The following PTPRR variants were observed in gnomAD, a reference collection of about 807,000 sequenced individuals.
PTPRR encodes the protein receptor-type tyrosine-protein phosphatase R.
In PTPRR, 38 loss-of-function variants were observed where a neutral mutation model predicts 77.2. That is an observed-to-expected ratio of 0.49 (90% CI 0.38 to 0.65). PTPRR has a LOEUF of 0.65. Ranked by LOEUF, PTPRR falls within the 30% of genes least tolerant of loss-of-function variation. The pLI, the probability that PTPRR is intolerant of heterozygous loss-of-function variation, is 0.00. For missense variants in PTPRR, 744 were observed against 799.2 expected, an observed-to-expected ratio of 0.93 and a Z score of 0.83; for synonymous variants, 299 against 283.1, an observed-to-expected ratio of 1.06 and a Z score of -0.57.
intron 6 of PTPRR, among the ~76,000 whole-genome samples, chr12:70,707,242 G>A (rs1296802843): frequency 6.6e-6 from 1 of 151,992 alleles, no homozygotes; most frequent in East Asian, 1.9e-4. Context: ...TAAAAATAGA[G>A]ATTTTACAAA....
intron 6 of PTPRR, among the ~76,000 whole-genome samples, chr12:70,730,909 A>G (rs1206614176): frequency 6.7e-6 from 1 of 148,652 alleles, no homozygotes; most frequent in African/African-American, 2.5e-5. Flanking sequence ...AGAGAGAGAG[A>G]CAGAGAATGA....
chr12:70,833,712 A>G (rs893233305), intron 2 of PTPRR, among the ~76,000 whole-genome samples: 1 of 152,158 alleles, frequency 6.6e-6, no homozygotes, highest in Non-Finnish European at 1.5e-5. Flanking sequence ...GAAGCTGACA[A>G]GCGGGAAGCT....
intron 2 of PTPRR, among the ~76,000 whole-genome samples, chr12:70,821,766 G>A (rs549164352): frequency 6.6e-5 from 10 of 152,110 alleles, no homozygotes; most frequent in South Asian, 6.2e-4. Context: ...CTGGGTTCAC[G>A]CCATTCTCCT....
At chr12:70,898,375 AT>A (rs34040337) in intron 1 of PTPRR, among the ~76,000 whole-genome samples, 22,151 of 150,396 alleles carry the variant, frequency 0.15, 1,782 homozygotes, top group Non-Finnish European at 0.18. Context: ...AAGACACCTC[AT>A]TTTATTTTAG....
chr12:70,651,252 C>T (rs1307214035), intron 13 of PTPRR, among the ~76,000 whole-genome samples: 2 of 152,252 alleles, frequency 1.3e-5, no homozygotes, highest in African/African-American at 4.8e-5. Flanking sequence ...GAGTTACACT[C>T]TCTCCAGCTA....
intron 2 of PTPRR, among the ~76,000 whole-genome samples, chr12:70,853,881 G>T (rs1406787144): frequency 6.6e-6 from 1 of 152,200 alleles, no homozygotes; most frequent in African/African-American, 2.4e-5. Context: ...GTGGCGAGTT[G>T]TTTCTACCTT....
At chr12:70,895,121 G>A (rs185228277) in intron 1 of PTPRR, among the ~76,000 whole-genome samples, 2 of 151,674 alleles carry the variant, frequency 1.3e-5, no homozygotes, top group Non-Finnish European at 3.0e-5. Flanking sequence ...TGCTGAAGAT[G>A]TAAGACGTAT....
chr12:70,741,082 T>C (rs186056209), intron 6 of PTPRR, among the ~76,000 whole-genome samples: 92 of 152,204 alleles, frequency 6.0e-4, no homozygotes, highest in African/African-American at 2.0e-3. Context: ...ATAAGCAAAG[T>C]GTTTCCCAGT....
chr12:70,884,992 T>A (rs1233849350), intron 2 of PTPRR, among the ~76,000 whole-genome samples: 2 of 151,964 alleles, frequency 1.3e-5, no homozygotes, highest in Non-Finnish European at 2.9e-5. Flanking sequence ...AATCAGAACA[T>A]TCTCTTTTTT....
intron 1 of PTPRR, among the ~76,000 whole-genome samples, chr12:70,912,296 C>G (rs935648948): frequency 6.6e-6 from 1 of 152,212 alleles, no homozygotes; most frequent in South Asian, 2.1e-4. Context: ...ATCATTAGTA[C>G]AGTGAAATAG....
At chr12:70,899,310 A>G (rs1212576091) in intron 1 of PTPRR, among the ~76,000 whole-genome samples, 5 of 151,476 alleles carry the variant, frequency 3.3e-5, no homozygotes, top group East Asian at 1.9e-4. Context: ...ACACAAATGT[A>G]AAAGTCCTCA....
chr12:70,764,440 G>T (rs1281997844), intron 3 of PTPRR, among the ~76,000 whole-genome samples: 12 of 152,262 alleles, frequency 7.9e-5, no homozygotes, highest in Middle Eastern at 3.4e-3. Flanking sequence ...TAGGCTTCAT[G>T]AGCCAATCTT....
In PTPRR at chr12:70,690,402, A is replaced by G. The variant is rs1888015634; in HGVS notation, c.1280-5619T>C. ...GGGGTTTGTATATATTCAGAAGTCA[A>G]ATTCAGGGTTTCTTAGAGTTGGAGT... On this transcript the variant is annotated intron_variant, in intron 8 of 13. Transcript: ENST00000283228. 3.3e-5 allele frequency among the ~76,000 whole-genome samples: 5 copies of G among 152,168 alleles called. No homozygotes were observed. In the South Asian group the frequency reaches 1.0e-3, roughly 32 times the overall value.
At chr12:70,900,575 A>T (rs908820692) in intron 1 of PTPRR, among the ~76,000 whole-genome samples, 1 of 151,784 alleles carries the variant, frequency 6.6e-6, no homozygotes, top group East Asian at 1.9e-4. Flanking sequence ...AACAATTAAC[A>T]AAGTCAAGTG....
intron 5 of PTPRR, among the ~76,000 whole-genome samples, chr12:70,752,911 C>A (rs765062290): frequency 1.3e-5 from 2 of 152,170 alleles, no homozygotes; most frequent in African/African-American, 4.8e-5. Context: ...TTTCCCAAAA[C>A]CTCCCACTTT....
At chr12:70,801,174 A>G (rs1287920019) in intron 2 of PTPRR, among the ~76,000 whole-genome samples, 2 of 152,206 alleles carry the variant, frequency 1.3e-5, no homozygotes, top group Non-Finnish European at 2.9e-5. Flanking sequence ...GTTCCTTTAT[A>G]TATCTGTTGT....
At chr12:70,693,669 T>C (rs1240796129) in intron 8 of PTPRR, among the ~76,000 whole-genome samples, 1 of 151,996 alleles carries the variant, frequency 6.6e-6, no homozygotes, top group Non-Finnish European at 1.5e-5. Flanking sequence ...GAAATGTAGG[T>C]TTCCAAGAAA....
intron 1 of PTPRR, among the ~76,000 whole-genome samples, chr12:70,909,167 G>A (rs1243765277): frequency 6.6e-6 from 1 of 152,108 alleles, no homozygotes; most frequent in Non-Finnish European, 1.5e-5. Flanking sequence ...GACAGGCCTG[G>A]ACTGGCAGGA....
chr12:70,671,818 C>T, intron 10 of PTPRR: 1 of 556,994 alleles, frequency 1.8e-6, no homozygotes, highest in African/African-American at 1.9e-5. Flanking sequence ...CGGCTAGCTG[C>T]AGTCATTGGT....
Sources: allele counts gnomAD v4.1 joint callset (sites outside exome capture counted in the v4.1 genomes callset), GRCh38; gene constraint gnomAD v4.1.1; transcripts MANE v1.5; gene names NCBI Gene and HGNC (gene_info 2026-07-23, HGNC 2026-07-21).